The following LRRC7 variants were observed in gnomAD, a reference collection of about 807,000 sequenced individuals.
The protein encoded by LRRC7 is leucine-rich repeat-containing protein 7.
LRRC7 carries 23 observed loss-of-function variants against 175.7 expected under a neutral mutation model. The ratio of observed to expected loss-of-function variants is 0.13; its 90% CI spans 0.09 to 0.19. The LOEUF is 0.19. Ranked by LOEUF, LRRC7 falls within the 10% of genes least tolerant of loss-of-function variation. The pLI, the probability that LRRC7 is intolerant of heterozygous loss-of-function variation, is 1.00. For synonymous variants in LRRC7, 685 were observed against 680.9 expected (o/e 1.01, Z -0.09); for missense variants, 1,354 against 1,904.7 (o/e 0.71, Z 5.38).
rs1671602030 is a variant in LRRC7 at position 69,766,141 on chromosome 1, A to G, written c.303+5748A>G. 3.3e-5 allele frequency among the ~76,000 whole-genome samples: 5 copies of G among 152,254 alleles called. No homozygotes were observed. The South Asian group carries it at 8.3e-4, about 25-fold the overall frequency. On this transcript the variant is annotated intron_variant, in intron 3 of 26. Coordinates refer to ENST00000651989, the MANE Select transcript of LRRC7 (RefSeq NM_001370785.2). ...ATAAACTCACTGCTGGAACTTGCCC[A>G]GAAGTTATTTGTGTTTCCCCCAGCA...
intron 1 of LRRC7, among the ~76,000 whole-genome samples, chr1:69,668,603 CAT>C (rs1359368490): frequency 6.6e-6 from 1 of 152,194 alleles, no homozygotes; most frequent in Non-Finnish European, 1.5e-5. Flanking sequence ...CTGCAATAAA[CAT>C]ATGTGTGCAT....
At chr1:69,863,219 T>C (rs538825977) in intron 7 of LRRC7, among the ~76,000 whole-genome samples, 1 of 152,334 alleles carries the variant, frequency 6.6e-6, no homozygotes, top group East Asian at 1.9e-4. Context: ...TTTTATCATT[T>C]AAATCTCAAA....
At chr1:69,702,044 C>T (rs1663421429) in intron 2 of LRRC7, among the ~76,000 whole-genome samples, 1 of 152,124 alleles carries the variant, frequency 6.6e-6, no homozygotes, top group African/African-American at 2.4e-5. Context: ...GAAAACAAGG[C>T]ATTGTGTTTT....
intron 7 of LRRC7, among the ~76,000 whole-genome samples, chr1:69,924,281 T>C (rs1397251980): frequency 6.6e-6 from 1 of 152,138 alleles, no homozygotes; most frequent in African/African-American, 2.4e-5. Context: ...GCCTTGGCGA[T>C]GCGGGCTCTT....
intron 24 of LRRC7, among the ~76,000 whole-genome samples, chr1:70,082,574 A>G (rs545382195): frequency 6.6e-5 from 10 of 152,216 alleles, no homozygotes; most frequent in East Asian, 1.9e-4. Flanking sequence ...ATTTATTTCA[A>G]TGTTGCACTA....
intron 3 of LRRC7, among the ~76,000 whole-genome samples, chr1:69,770,570 G>T (rs896217519): frequency 6.6e-6 from 1 of 152,050 alleles, no homozygotes; most frequent in African/African-American, 2.4e-5. Flanking sequence ...AAAACTACTT[G>T]TATCACTATA....
At chr1:69,811,511 G>A (rs1446910303) in intron 4 of LRRC7, among the ~76,000 whole-genome samples, 1 of 152,086 alleles carries the variant, frequency 6.6e-6, no homozygotes, top group Non-Finnish European at 1.5e-5. Context: ...CAAAGACTTG[G>A]AACCAACCCA....
At chr1:69,744,359 G>A (rs1439023295) in intron 2 of LRRC7, among the ~76,000 whole-genome samples, 6 of 151,878 alleles carry the variant, frequency 4.0e-5, no homozygotes, top group South Asian at 2.1e-4. Context: ...GGTGAATGAC[G>A]AAATTATGTT....
intron 26 of LRRC7, among the ~76,000 whole-genome samples, chr1:70,119,455 T>C (rs1426882793): frequency 1.3e-5 from 2 of 152,034 alleles, no homozygotes; most frequent in Non-Finnish European, 2.9e-5. Context: ...TTCATCTCTT[T>C]CTTACTACCC....
intron 2 of LRRC7, among the ~76,000 whole-genome samples, chr1:69,729,584 T>C (rs892736019): frequency 6.6e-6 from 1 of 152,188 alleles, no homozygotes. Context: ...TAGGTCAGGC[T>C]GATGATGCAA....
At chr1:69,907,615 C>T (rs1646363482) in intron 7 of LRRC7, among the ~76,000 whole-genome samples, 1 of 152,100 alleles carries the variant, frequency 6.6e-6, no homozygotes, top group Non-Finnish European at 1.5e-5. Context: ...TGAAGCCCAG[C>T]TGATCATGAT....
In LRRC7 at chr1:69,835,694, G is replaced by A. The variant is rs576524029; in HGVS notation, c.590+825G>A. Among the ~76,000 whole-genome samples the A allele has an allele frequency of 2.7e-4, 41 of 151,964 alleles. No homozygotes were observed. In the South Asian group the frequency reaches 8.5e-3, roughly 32 times the overall value. The stretch of plus-strand genomic sequence containing the variant: ...ATTTCTAGAAATGTCTATTGCCATT[G>A]TCAGATATCCCACTAGGATTTATGG... On this transcript the variant is annotated intron_variant, in intron 6 of 26. Transcript: ENST00000651989.
intron 4 of LRRC7, among the ~76,000 whole-genome samples, chr1:69,807,056 T>C (rs1171465337): frequency 6.6e-6 from 1 of 152,132 alleles, no homozygotes; most frequent in Non-Finnish European, 1.5e-5. Flanking sequence ...TGTAATGTCC[T>C]TCTTTGTCTC....
At chr1:69,963,647 A>G (rs1183641302) in intron 8 of LRRC7, among the ~76,000 whole-genome samples, 1 of 152,216 alleles carries the variant, frequency 6.6e-6, no homozygotes. Flanking sequence ...GAGAAAGAAT[A>G]TAAGACAAGT....
intron 1 of LRRC7, among the ~76,000 whole-genome samples, chr1:69,613,203 T>C (rs1649075936): frequency 6.6e-6 from 1 of 152,108 alleles, no homozygotes; most frequent in Admixed American, 6.6e-5. Flanking sequence ...ATCCTGTGTC[T>C]AGTGAGGGCC....
intron 7 of LRRC7, among the ~76,000 whole-genome samples, chr1:69,903,801 A>G (rs1218702424): frequency 1.3e-5 from 2 of 152,202 alleles, no homozygotes; most frequent in Non-Finnish European, 2.9e-5. Context: ...AATAGAAACA[A>G]TAAAAAATGA....
chr1:69,594,333 T>G (rs1646755513), intron 1 of LRRC7, among the ~76,000 whole-genome samples: 2 of 152,202 alleles, frequency 1.3e-5, no homozygotes, highest in African/African-American at 2.4e-5. Flanking sequence ...ACTTTTTATA[T>G]GTACCATTAA....
intron 7 of LRRC7, among the ~76,000 whole-genome samples, chr1:69,897,336 T>C (rs1445412726): frequency 1.3e-5 from 2 of 152,208 alleles, no homozygotes; most frequent in Non-Finnish European, 2.9e-5. Flanking sequence ...ATATTAGCTT[T>C]TCAGAGTGGC....
chr1:69,737,572 C>T (rs569538057), intron 2 of LRRC7, among the ~76,000 whole-genome samples: 1 of 152,082 alleles, frequency 6.6e-6, no homozygotes, highest in African/African-American at 2.4e-5. Flanking sequence ...GAGACTCCCC[C>T]ACATGGCTGC....
Sources: allele counts gnomAD v4.1 joint callset (sites outside exome capture counted in the v4.1 genomes callset), GRCh38; gene constraint gnomAD v4.1.1; transcripts MANE v1.5; gene names NCBI Gene and HGNC (gene_info 2026-07-23, HGNC 2026-07-21).